Variants in MPDZ observed in about 807,000 individuals in gnomAD.
MPDZ encodes the protein multiple PDZ domain protein.
MPDZ carries 234 observed loss-of-function variants against 239.1 expected under a neutral mutation model. The observed-to-expected ratio is 0.98, with a 90% confidence interval of 0.88 to 1.09. The LOEUF is 1.09. MPDZ is among the 50% of genes least tolerant of loss of function. MPDZ has a pLI of 0.00. For synonymous variants in MPDZ, 1,048 were observed against 881.3 expected, an observed-to-expected ratio of 1.19 and a Z score of -3.35; for missense variants, 3,175 against 2,510.0, an observed-to-expected ratio of 1.26 and a Z score of -5.66.
intron 28 of MPDZ, 83 bp downstream of exon 28, chr9:13,139,904 C>T: frequency 1.3e-6 from 2 of 1,522,480 alleles, no homozygotes; most frequent in Admixed American, 1.7e-5. Context: ...AACATACTTA[C>T]TTATCCAGGG....
intron 17 of MPDZ, among the ~76,000 whole-genome samples, chr9:13,187,780 C>T (rs1954333037): frequency 2.3e-4 from 4 of 17,292 alleles, no homozygotes; most frequent in African/African-American, 3.6e-4. Context: ...ACTATATTCA[C>T]GTACTGGAAA....
intron 1 of MPDZ, among the ~76,000 whole-genome samples, chr9:13,253,892 C>T (rs1291678267): frequency 6.6e-6 from 1 of 152,144 alleles, no homozygotes; most frequent in Non-Finnish European, 1.5e-5. Flanking sequence ...CCAATTAAGT[C>T]CTTTAATACT....
intron 24 of MPDZ, among the ~76,000 whole-genome samples, chr9:13,154,382 G>A (rs902754513): frequency 2.6e-5 from 4 of 152,138 alleles, no homozygotes; most frequent in African/African-American, 9.7e-5. Context: ...TAAAAAGAAT[G>A]AAATTCAGGA....
intron 22 of MPDZ, 55 bp from the exon 23 acceptor site, chr9:13,162,850 T>C (rs1950634137): frequency 3.2e-6 from 4 of 1,238,414 alleles, no homozygotes; most frequent in Non-Finnish European, 4.7e-6. Flanking sequence ...TGCCTAATTG[T>C]TAGGAAAAGC....
intron 10 of MPDZ, among the ~76,000 whole-genome samples, chr9:13,211,719 A>G (rs929326297): frequency 5.9e-5 from 9 of 152,122 alleles, no homozygotes; most frequent in Non-Finnish European, 1.3e-4. Flanking sequence ...ATATATCACA[A>G]CAGACCTACA....
chr9:13,143,580 A>G lies in MPDZ; in HGVS notation c.3742-16T>C, dbSNP rs201383491. The G allele has an allele frequency of 7.1e-5, 114 of 1,597,458 alleles. No homozygotes were observed. The East Asian group carries it at 7.6e-4, about 11-fold the overall frequency. ...AAGGGGATTTCTAAAAGGAAACATA[A>G]GAGGCGCTGAACGCAAAGGAAATGT... On this transcript the variant is annotated splice_polypyrimidine_tract_variant and intron_variant, in intron 26 of 46. Transcript: ENST00000319217.
At chr9:13,178,913 G>C (rs1952886961) in intron 19 of MPDZ, among the ~76,000 whole-genome samples, 1 of 152,112 alleles carries the variant, frequency 6.6e-6, no homozygotes, top group South Asian at 2.1e-4. Flanking sequence ...TAAATGAAAT[G>C]CTTTCTAGTA....
At chr9:13,188,746 A>C in intron 17 of MPDZ, 38 bp downstream of exon 17, 1 of 1,572,026 alleles carries the variant, frequency 6.4e-7, no homozygotes, top group Non-Finnish European at 8.7e-7. Flanking sequence ...CATTTTGCTT[A>C]TAAATATAAA....
intron 46 of MPDZ, among the ~76,000 whole-genome samples, chr9:13,107,986 C>G (rs1364020871): frequency 2.0e-5 from 3 of 151,970 alleles, no homozygotes; most frequent in Admixed American, 2.0e-4. Flanking sequence ...ATACCGATAG[C>G]TTTTTTAAAA....
At chr9:13,202,868 T>A (rs1239862485) in intron 12 of MPDZ, among the ~76,000 whole-genome samples, 1 of 152,166 alleles carries the variant, frequency 6.6e-6, no homozygotes, top group Non-Finnish European at 1.5e-5. Context: ...CTAGTTCTGG[T>A]GAACTCAGGG....
rs1958824848 is a variant in MPDZ at position 13,219,644 on chromosome 9, G to A, written c.1001C>T (p.Ala334Val). ...QCGNRVKLMI[A>V]RGAIEERTAP... ...TGTACGTTCTTCTATGGCACCTCTT[G>A]CAATCATCAACTTAACTCTATTTCC... The change falls in exon 8 of 47, where the codon GCA becomes GTA. Residue 334 changes from alanine (A) to valine (V), a missense_variant. Transcript: ENST00000319217. The A allele has an allele frequency of 6.2e-7, 1 of 1,612,660 alleles. No homozygotes were observed.
chr9:13,159,390 CACTAGGGTAGG>C (rs1388849298), intron 23 of MPDZ, among the ~76,000 whole-genome samples: 4 of 152,092 alleles, frequency 2.6e-5, no homozygotes, highest in Non-Finnish European at 5.9e-5. Flanking sequence ...CTAAGTCTGA[CACTAGGGTAGG>C]ACTGGTGGGA....
rs41265276 is a variant in MPDZ at position 13,110,589 on chromosome 9, C to T, written c.5829+47G>A. 2,922 of 1,369,872 alleles carry T rather than the reference C, an allele frequency of 2.1e-3. 8 individuals carry two copies. The highest frequency in any genetic ancestry group is 2.8e-3 in the Non-Finnish European group (2,718 of 963,676). The allele number at this position is 1,369,872 out of a possible 1,614,324, so 84.9% of individuals were successfully genotyped here. On this transcript the variant is annotated intron_variant, in intron 44 of 46. Coordinates refer to ENST00000319217, the MANE Select transcript of MPDZ (RefSeq NM_001378778.1). The stretch of plus-strand genomic sequence containing the variant: ...TGCTTTAACATCAAAGCTCATGTGT[C>T]TTCAGGCTACCTATATTCTGAATTA...
chr9:13,189,303 T>C (rs1011241307), intron 16 of MPDZ, among the ~76,000 whole-genome samples: 1 of 152,064 alleles, frequency 6.6e-6, no homozygotes, highest in Non-Finnish European at 1.5e-5. Context: ...TTTATAACTA[T>C]TATTGGAGGC....
intron 24 of MPDZ, among the ~76,000 whole-genome samples, chr9:13,157,596 T>G (rs1303910905): frequency 6.6e-6 from 1 of 152,090 alleles, no homozygotes. Context: ...AAACTCAGCC[T>G]GTGGTAACAA....
At chr9:13,233,540 T>G (rs1012986524) in intron 3 of MPDZ, among the ~76,000 whole-genome samples, 1 of 152,070 alleles carries the variant, frequency 6.6e-6, no homozygotes, top group Admixed American at 6.6e-5. Context: ...AAATTATGAG[T>G]GCTGATCATT....
At chr9:13,250,249 T>G (rs553502054) in intron 2 of MPDZ, 51 bp downstream of exon 2, 1 of 1,542,084 alleles carries the variant, frequency 6.5e-7, no homozygotes, top group African/African-American at 1.4e-5. Context: ...AAAATCCCAA[T>G]GGGAGGAGTT....
At chr9:13,197,364 T>G (rs1227017339) in intron 12 of MPDZ, among the ~76,000 whole-genome samples, 1 of 151,986 alleles carries the variant, frequency 6.6e-6, no homozygotes, top group Non-Finnish European at 1.5e-5. Context: ...GTCTCAAACT[T>G]CTGGTCTCAG....
intron 1 of MPDZ, among the ~76,000 whole-genome samples, chr9:13,267,820 C>T (rs1180792076): frequency 6.6e-6 from 1 of 152,140 alleles, no homozygotes; most frequent in Non-Finnish European, 1.5e-5. Flanking sequence ...ATTCACCAGG[C>T]TAACAGAATA....
Sources: gnomAD v4.1 joint callset for allele counts (sites outside exome capture counted in the v4.1 genomes callset) on GRCh38, gnomAD v4.1.1 for gene constraint, MANE v1.5 for transcripts, NCBI Gene and HGNC (gene_info 2026-07-23, HGNC 2026-07-21) for gene names.